The following PRKAR2A variants were observed in gnomAD, a reference collection of about 807,000 sequenced individuals.
The protein encoded by PRKAR2A is protein kinase cAMP-dependent type II regulatory subunit alpha.
A neutral mutation model predicts 51.9 loss-of-function variants in PRKAR2A; 29 were observed. The ratio of observed to expected loss-of-function variants is 0.56; its 90% CI spans 0.42 to 0.76. The LOEUF is 0.76. Among genes scored for constraint, PRKAR2A ranks in the 30% least tolerant of loss-of-function variants. PRKAR2A has a pLI of 0.00. For missense variants in PRKAR2A, 445 were observed against 512.1 expected (o/e 0.87, Z 1.26); for synonymous variants, 178 against 186.2 (o/e 0.96, Z 0.36).
chr3:48,762,786 T>C (rs2107224039), intron 8 of PRKAR2A, among the ~76,000 whole-genome samples: 1 of 152,184 alleles, frequency 6.6e-6, no homozygotes, highest in South Asian at 2.1e-4. Flanking sequence ...ATTACATTTG[T>C]ACAATGAAAT....
At position 48,783,095 on chromosome 3, in the gene PRKAR2A, G is replaced by T; in HGVS notation, c.436-3C>A. The stretch of plus-strand genomic sequence containing the variant: ...TCGAGAACTTGAGAAAGCTGTTCCT[G>T]CAGGGTATGCACAAGAAGAAAAAAA... On this transcript the variant is annotated splice_polypyrimidine_tract_variant and splice_region_variant and intron_variant, in intron 4 of 10. Transcript: ENST00000265563. 1 of 1,597,678 alleles carries T rather than the reference G, an allele frequency of 6.3e-7. No homozygotes were observed. Among genetic ancestry groups the T allele is most frequent in the East Asian group, 2.2e-5 (1 of 44,826 alleles).
chr3:48,755,063 T>C (rs2107199457), intron 9 of PRKAR2A, among the ~76,000 whole-genome samples: 1 of 149,814 alleles, frequency 6.7e-6, no homozygotes, highest in East Asian at 2.0e-4. Flanking sequence ...AGTGGTGTGA[T>C]CTCAGCTCAC....
At chr3:48,841,501 G>A (rs901663579) in intron 1 of PRKAR2A, among the ~76,000 whole-genome samples, 7 of 122,616 alleles carry the variant, frequency 5.7e-5, no homozygotes, top group South Asian at 2.8e-4. Flanking sequence ...CCAAGATCCC[G>A]CCACTACACT....
chr3:48,765,625 G>A (rs1231075191), intron 6 of PRKAR2A, among the ~76,000 whole-genome samples: 1 of 148,442 alleles, frequency 6.7e-6, no homozygotes, highest in East Asian at 2.0e-4. Context: ...AAACATTTAT[G>A]AGCTCACTGT....
In PRKAR2A at chr3:48,811,123, A is replaced by G. The variant is rs372835079; in HGVS notation, c.263-3439T>C. Among the ~76,000 whole-genome samples the G allele has an allele frequency of 3.0e-3, 455 of 151,912 alleles. 4 individuals carry two copies. The highest frequency in any genetic ancestry group is 0.01 in the African/African-American group (415 of 41,400). ...GCCCAGGAGGTCGAGGCTGTGATGA[A>G]CCATGATTGTACCACTGCACTTCAG... On this transcript the variant is annotated intron_variant, in intron 1 of 10. Coordinates refer to ENST00000265563, the MANE Select transcript of PRKAR2A (RefSeq NM_004157.4).
At chr3:48,785,194 G>A (rs1398812591) in intron 4 of PRKAR2A, among the ~76,000 whole-genome samples, 3 of 149,976 alleles carry the variant, frequency 2.0e-5, no homozygotes, top group Non-Finnish European at 3.0e-5. Context: ...GGGTTCAAGC[G>A]ATTTCTCCTG....
chr3:48,806,951 T>C (rs1318997166), intron 2 of PRKAR2A, among the ~76,000 whole-genome samples: 3 of 151,992 alleles, frequency 2.0e-5, no homozygotes, highest in Non-Finnish European at 2.9e-5. Context: ...TTTTGTACTT[T>C]TAGTAGAGAC....
chr3:48,839,353 T>C (rs1191352385), intron 1 of PRKAR2A, among the ~76,000 whole-genome samples: 1 of 149,098 alleles, frequency 6.7e-6, no homozygotes, highest in African/African-American at 2.5e-5. Flanking sequence ...TTATACATTC[T>C]AAATAGTTGA....
chr3:48,822,045 G>A lies in PRKAR2A; in HGVS notation c.263-14361C>T, dbSNP rs191555106. 5.9e-5 allele frequency among the ~76,000 whole-genome samples: 9 copies of A among 151,884 alleles called. No homozygotes were observed. The East Asian group carries it at 1.4e-3, about 23-fold the overall frequency. ...TCGAGACCAGCCTGGCCAACATGGC[G>A]AAACCCCATCTCTAATATAGCTGGA... On this transcript the variant is annotated intron_variant, in intron 1 of 10. Coordinates refer to ENST00000265563, the MANE Select transcript of PRKAR2A (RefSeq NM_004157.4).
At chr3:48,831,435 C>T (rs1322427554) in intron 1 of PRKAR2A, among the ~76,000 whole-genome samples, 1 of 145,348 alleles carries the variant, frequency 6.9e-6, no homozygotes, top group East Asian at 2.0e-4. Flanking sequence ...GGCATGATCA[C>T]GGCTCACTGT....
At chr3:48,764,660 C>G (rs2081911378) in intron 8 of PRKAR2A, among the ~76,000 whole-genome samples, 1 of 152,004 alleles carries the variant, frequency 6.6e-6, no homozygotes, top group Non-Finnish European at 1.5e-5. Context: ...GAGTCTTGCT[C>G]TGTTGCCCAG....
intron 5 of PRKAR2A, among the ~76,000 whole-genome samples, chr3:48,775,079 A>T (rs1329545519): frequency 6.6e-6 from 1 of 152,182 alleles, no homozygotes; most frequent in East Asian, 1.9e-4. Flanking sequence ...AATTTTGTCA[A>T]ATGCTTTGCT....
At chr3:48,812,104 A>G (rs1364083571) in intron 1 of PRKAR2A, among the ~76,000 whole-genome samples, 1 of 152,102 alleles carries the variant, frequency 6.6e-6, no homozygotes, top group Non-Finnish European at 1.5e-5. Context: ...GAATTTCATG[A>G]TATATAAATT....
chr3:48,779,551 C>T (rs57621730), intron 5 of PRKAR2A, among the ~76,000 whole-genome samples: 25 of 150,516 alleles, frequency 1.7e-4, no homozygotes, highest in Non-Finnish European at 2.8e-4. Flanking sequence ...GAGGCCAAGG[C>T]GGGTGGATTG....
intron 5 of PRKAR2A, among the ~76,000 whole-genome samples, chr3:48,782,136 G>T (rs981455080): frequency 2.0e-5 from 3 of 152,232 alleles, no homozygotes; most frequent in Admixed American, 2.0e-4. Context: ...TCAGGACTAA[G>T]GAGATCAGAA....
intron 3 of PRKAR2A, 80 bp from the exon 4 acceptor site, chr3:48,790,707 C>A: frequency 1.1e-6 from 1 of 898,940 alleles, no homozygotes; most frequent in South Asian, 3.2e-5. Flanking sequence ...ATTTGTTTCT[C>A]CAAAAAGTGG....
At chr3:48,794,325 A>G (rs2082453848) in intron 2 of PRKAR2A, among the ~76,000 whole-genome samples, 1 of 151,222 alleles carries the variant, frequency 6.6e-6, no homozygotes, top group Admixed American at 6.6e-5. Context: ...CTAATTTTGT[A>G]TTTTTAGTAG....
intron 2 of PRKAR2A, among the ~76,000 whole-genome samples, chr3:48,800,240 C>G (rs2082564947): frequency 6.6e-6 from 1 of 151,402 alleles, no homozygotes; most frequent in Non-Finnish European, 1.5e-5. Flanking sequence ...GAGGGCTGGG[C>G]ACAGTGGCCC....
rs1384076458 is a variant in PRKAR2A, at chr3:48,765,363, T to C, written c.697-14A>G. ...AGTCACCCGGTCCTACAAGAAAGAATATGAAAATTCTAGTAAATGCCTATA... is the reference window on the plus strand; with the variant it reads ...AGTCACCCGGTCCTACAAGAAAGAACATGAAAATTCTAGTAAATGCCTATA... On this transcript the variant is annotated splice_polypyrimidine_tract_variant and intron_variant, in intron 6 of 10. Transcript: ENST00000265563. 14 of 1,569,518 alleles carry C rather than the reference T, an allele frequency of 8.9e-6. No individual in the cohort carries two copies. Among genetic ancestry groups the C allele is most frequent in the Admixed American group, 3.7e-5 (2 of 54,066 alleles).
Sources: allele counts gnomAD v4.1 joint callset (sites outside exome capture counted in the v4.1 genomes callset), GRCh38; gene constraint gnomAD v4.1.1; transcripts MANE v1.5; gene names NCBI Gene and HGNC (gene_info 2026-07-23, HGNC 2026-07-21).